Variants in NEK1 observed in about 807,000 individuals in gnomAD.
The protein encoded by NEK1 is NIMA related kinase 1.
A neutral mutation model predicts 182.1 loss-of-function variants in NEK1; 137 were observed. That is an observed-to-expected ratio of 0.75 (90% CI 0.65 to 0.87). The LOEUF is 0.87. NEK1 is among the 40% of genes least tolerant of loss of function. The pLI is 0.00. For missense variants in NEK1, 1,391 were observed against 1,494.4 expected (o/e 0.93, Z 1.14); for synonymous variants, 513 against 492.2 (o/e 1.04, Z -0.56).
At chr4:169,569,727 C>T (rs1447465670) in intron 12 of NEK1, among the ~76,000 whole-genome samples, 7 of 152,252 alleles carry the variant, frequency 4.6e-5, no homozygotes, top group African/African-American at 9.6e-5. Flanking sequence ...CTCCTAACTG[C>T]GAGTGATCCG....
chr4:169,414,531 TAATA>T (rs1734196970), intron 31 of NEK1, among the ~76,000 whole-genome samples: 1 of 152,212 alleles, frequency 6.6e-6, no homozygotes, highest in Admixed American at 6.5e-5. Flanking sequence ...GAAGCATTAT[TAATA>T]TTTTTAGTGG....
At chr4:169,469,074 T>A (rs1016433244) in intron 26 of NEK1, among the ~76,000 whole-genome samples, 2 of 152,196 alleles carry the variant, frequency 1.3e-5, no homozygotes, top group Admixed American at 6.5e-5. Flanking sequence ...AGCTCCTGGA[T>A]TCACTGATTT....
chr4:169,445,865 T>TATATATATATATATATATATATACAC (rs569539235), intron 27 of NEK1, among the ~76,000 whole-genome samples: 1 of 143,218 alleles, frequency 7.0e-6, no homozygotes, highest in African/African-American at 2.8e-5. Context: ...TATATATATA[T>TATATATATATATATATATATATACAC]ACACACACAC....
At chr4:169,473,086 A>G (rs978797439) in intron 26 of NEK1, among the ~76,000 whole-genome samples, 1 of 133,908 alleles carries the variant, frequency 7.5e-6, no homozygotes, top group Non-Finnish European at 1.6e-5. Context: ...TAGTGAGTCC[A>G]CCATCTCTAA....
intron 28 of NEK1, among the ~76,000 whole-genome samples, chr4:169,437,349 G>A (rs974067167): frequency 6.6e-6 from 1 of 152,148 alleles, no homozygotes; most frequent in African/African-American, 2.4e-5. Context: ...GTCATAATGA[G>A]ATGAGGCTTT....
intron 23 of NEK1, among the ~76,000 whole-genome samples, chr4:169,498,599 G>A (rs1371210737): frequency 6.6e-6 from 1 of 152,122 alleles, no homozygotes; most frequent in Non-Finnish European, 1.5e-5. Context: ...GGGCAGGCCT[G>A]GTGGTGACAA....
chr4:169,549,461 C>T (rs545695438), intron 18 of NEK1, among the ~76,000 whole-genome samples: 7 of 152,290 alleles, frequency 4.6e-5, no homozygotes, highest in South Asian at 2.1e-4. Flanking sequence ...TTGCTCTTGT[C>T]GCCAAGGCTG....
intron 9 of NEK1, among the ~76,000 whole-genome samples, chr4:169,586,605 G>T (rs549746956): frequency 1.3e-5 from 2 of 151,794 alleles, no homozygotes; most frequent in East Asian, 3.9e-4. Flanking sequence ...CAAACCAATG[G>T]TTTAAAGCTC....
Position 169,420,441 on chromosome 4 carries a change from T to C in NEK1, c.3222+4112A>G, listed in dbSNP as rs191801980. Among the ~76,000 whole-genome samples the C allele has an allele frequency of 1.2e-3, 179 of 152,304 alleles. 2 individuals carry two copies. The highest frequency in any genetic ancestry group is 1.3e-3 in the Non-Finnish European group (87 of 68,022). ...ATTAGGTACTGTACATAATTGTATG[T>C]CCTAAACTTTTATAGGACTAGCAGT... On this transcript the variant is annotated intron_variant, in intron 31 of 35. Coordinates refer to ENST00000507142, the MANE Select transcript of NEK1 (RefSeq NM_001199397.3).
At chr4:169,456,226 C>A (rs112936444) in intron 27 of NEK1, among the ~76,000 whole-genome samples, 3 of 151,826 alleles carry the variant, frequency 2.0e-5, no homozygotes, top group East Asian at 3.9e-4. Flanking sequence ...AGTACTAAGA[C>A]GGAAGTTTAT....
intron 28 of NEK1, 122 bp from the exon 29 acceptor site, chr4:169,433,787 A>G (rs1737868009): frequency 1.1e-6 from 1 of 950,158 alleles, no homozygotes; most frequent in Non-Finnish European, 1.5e-6. Flanking sequence ...AAAACAGAAA[A>G]ATTAAGTATT....
At chr4:169,563,625 T>C (rs1271689236) in intron 12 of NEK1, among the ~76,000 whole-genome samples, 1 of 152,212 alleles carries the variant, frequency 6.6e-6, no homozygotes, top group Non-Finnish European at 1.5e-5. Context: ...CTGGCATAAT[T>C]TAACGATGGC....
At chr4:169,440,741 T>C (rs1490897248) in intron 27 of NEK1, among the ~76,000 whole-genome samples, 3 of 152,202 alleles carry the variant, frequency 2.0e-5, no homozygotes, top group Non-Finnish European at 4.4e-5. Flanking sequence ...CAGTGCTCCA[T>C]GTTCTCACCA....
intron 18 of NEK1, among the ~76,000 whole-genome samples, chr4:169,549,162 G>T (rs780629383): frequency 3.3e-4 from 51 of 152,308 alleles, no homozygotes; most frequent in Middle Eastern, 3.4e-3. Context: ...CACAGTATCT[G>T]GGCCAGAGTG....
chr4:169,510,606 C>T (rs937525009), intron 19 of NEK1, among the ~76,000 whole-genome samples: 9 of 152,096 alleles, frequency 5.9e-5, no homozygotes, highest in African/African-American at 2.2e-4. Flanking sequence ...CTCTACAATG[C>T]CCTGAGAGTA....
Position 169,507,760 on chromosome 4 carries a change from T to C in NEK1, c.1866A>G (p.Gly622=). 3 of 1,613,116 alleles carry C rather than the reference T, an allele frequency of 1.9e-6. No individual in the cohort carries two copies. Among genetic ancestry groups the C allele is most frequent in the Non-Finnish European group, 2.5e-6 (3 of 1,179,456 alleles). Residue 622 remains glycine, a synonymous_variant, in exon 22 of 36, where the codon GGA becomes GGG. Coordinates refer to ENST00000507142, the MANE Select transcript of NEK1 (RefSeq NM_001199397.3). ...KEANHSEGQE[G]SEEADMRRKK... ...TGCGCCTCATGTCAGCCTCTTCACT[T>C]CCTTCTTGTCCTTCAGAATGATTAG...
intron 23 of NEK1, among the ~76,000 whole-genome samples, chr4:169,496,572 C>T (rs1440423861): frequency 7.3e-5 from 11 of 150,788 alleles, no homozygotes; most frequent in East Asian, 1.9e-4. Context: ...TTTTGAGATA[C>T]GTCCCATCAA....
At chr4:169,440,344 T>A (rs1437884901) in intron 27 of NEK1, among the ~76,000 whole-genome samples, 2 of 152,022 alleles carry the variant, frequency 1.3e-5, no homozygotes, top group Admixed American at 6.6e-5. Flanking sequence ...GGTAAAAAAT[T>A]TTTTTAAAGG....
At chr4:169,439,648 A>G (rs1423896095) in intron 27 of NEK1, among the ~76,000 whole-genome samples, 1 of 152,176 alleles carries the variant, frequency 6.6e-6, no homozygotes, top group African/African-American at 2.4e-5. Context: ...TAACAGAAGA[A>G]TAGGAAATAA....
Sources: gnomAD v4.1 joint callset for allele counts (sites outside exome capture counted in the v4.1 genomes callset) on GRCh38, gnomAD v4.1.1 for gene constraint, MANE v1.5 for transcripts, NCBI Gene and HGNC (gene_info 2026-07-23, HGNC 2026-07-21) for gene names.